Variants in ROS1 observed in about 807,000 individuals in gnomAD.
ROS1 encodes ROS proto-oncogene 1, receptor tyrosine kinase.
A neutral mutation model predicts 273.5 loss-of-function variants in ROS1; 263 were observed. The observed-to-expected ratio is 0.96, with a 90% CI of 0.87 to 1.06. ROS1 has a LOEUF of 1.06. ROS1 is among the 50% of genes least tolerant of loss of function. ROS1 has a pLI of 0.00. For synonymous variants in ROS1, 1,008 were observed against 954.1 expected (o/e 1.06, Z -1.04); for missense variants, 2,833 against 2,751.1 (o/e 1.03, Z -0.67).
At chr6:117,352,752 C>T (rs906982771) in intron 27 of ROS1, among the ~76,000 whole-genome samples, 5 of 152,114 alleles carry the variant, frequency 3.3e-5, no homozygotes, top group Admixed American at 6.5e-5. Context: ...AACAACAGGA[C>T]GCAGGTTTCC....
intron 20 of ROS1, 150 bp downstream of exon 20, chr6:117,365,431 C>A: frequency 1.3e-6 from 1 of 771,456 alleles, no homozygotes. Context: ...AACAAGTCTT[C>A]TGGGGAATAA....
Position 117,301,063 on chromosome 6 carries a change from A to G in ROS1, c.6626T>C (p.Leu2209Pro), listed in dbSNP as rs1383744493. Residue 2209 changes from leucine to proline, a missense_variant, in exon 43 of 44, where the codon CTT becomes CCT. Coordinates refer to ENST00000368507, the MANE Select transcript of ROS1 (RefSeq NM_001378902.1). ...RPTFHRIQDQ[L>P]QLFRNFFLNS... ...TAAGAAAAAATTTCTGAATAACTGA[A>G]GTTGGTCCTGAATTCTATGAAAAGT... The G allele has an allele frequency of 1.9e-6, 3 of 1,608,032 alleles. No individual in the cohort carries two copies. The highest frequency in any genetic ancestry group is 2.2e-5 in the South Asian group (2 of 89,200).
At chr6:117,406,733 G>A (rs1001014474) in intron 5 of ROS1, among the ~76,000 whole-genome samples, 1 of 152,160 alleles carries the variant, frequency 6.6e-6, no homozygotes, top group Non-Finnish European at 1.5e-5. Flanking sequence ...TAATAAGTAT[G>A]TGTTAATAGT....
chr6:117,380,571 C>T (rs1772044512), intron 17 of ROS1, among the ~76,000 whole-genome samples: 1 of 151,652 alleles, frequency 6.6e-6, no homozygotes, highest in South Asian at 2.1e-4. Flanking sequence ...ACTAGAGTTT[C>T]TACATTACAA....
intron 32 of ROS1, among the ~76,000 whole-genome samples, chr6:117,335,302 C>T (rs540321407): frequency 6.6e-5 from 10 of 152,226 alleles, no homozygotes; most frequent in Admixed American, 1.3e-4. Context: ...CCATCTCACG[C>T]GAGTCAGAAT....
chr6:117,332,737 G>A (rs151318180), intron 32 of ROS1, among the ~76,000 whole-genome samples: 14,414 of 152,194 alleles, frequency 0.095, 876 homozygotes, highest in Middle Eastern at 0.14. Flanking sequence ...ACTTGCTCCT[G>A]AATGGCTCCT....
chr6:117,309,927 G>A (rs954316416), intron 41 of ROS1, among the ~76,000 whole-genome samples, 154 bp downstream of exon 41: 1 of 152,004 alleles, frequency 6.6e-6, no homozygotes, highest in African/African-American at 2.4e-5. Context: ...GTACCACCTT[G>A]ACCACCAACT....
At chr6:117,300,800 A>G (rs1774657657) in intron 43 of ROS1, among the ~76,000 whole-genome samples, 174 bp downstream of exon 43, 1 of 152,236 alleles carries the variant, frequency 6.6e-6, no homozygotes, top group Non-Finnish European at 1.5e-5. Context: ...AATTTAGTGC[A>G]TAATACAAAT....
chr6:117,367,142 C>T (rs150312943), intron 18 of ROS1, among the ~76,000 whole-genome samples: 1 of 152,182 alleles, frequency 6.6e-6, no homozygotes, highest in Non-Finnish European at 1.5e-5. Flanking sequence ...CCAATCAATG[C>T]AATAAATTAG....
chr6:117,385,225 T>G (rs1772463749), intron 16 of ROS1, among the ~76,000 whole-genome samples: 1 of 152,310 alleles, frequency 6.6e-6, no homozygotes, highest in Non-Finnish European at 1.5e-5. Context: ...CAACAAATAG[T>G]GATAACAAAT....
At chr6:117,419,316 A>G (rs1369566943) in intron 1 of ROS1, among the ~76,000 whole-genome samples, 1 of 152,198 alleles carries the variant, frequency 6.6e-6, no homozygotes, top group Non-Finnish European at 1.5e-5. Flanking sequence ...CCATGTAAGG[A>G]TGCTCCAAAA....
At chr6:117,351,415 T>C (rs1191659271) in intron 27 of ROS1, among the ~76,000 whole-genome samples, 1 of 151,618 alleles carries the variant, frequency 6.6e-6, no homozygotes, top group Non-Finnish European at 1.5e-5. Context: ...TTTTTCCTTT[T>C]CCCTTCTCTC....
chr6:117,328,807 T>G (rs772001382), intron 33 of ROS1: 5 of 613,554 alleles, frequency 8.1e-6, no homozygotes, highest in Non-Finnish European at 1.3e-5. Context: ...CGGTGTGTTT[T>G]CAGTCCCTGG....
At chr6:117,424,066 C>G (rs924074745) in intron 1 of ROS1, among the ~76,000 whole-genome samples, 1 of 149,072 alleles carries the variant, frequency 6.7e-6, no homozygotes. Context: ...GGAGCCCACA[C>G]AAAAAGATAA....
intron 24 of ROS1, 38 bp downstream of exon 24, chr6:117,359,771 C>T (rs754989062): frequency 6.5e-7 from 1 of 1,543,808 alleles, no homozygotes; most frequent in Non-Finnish European, 8.9e-7. Flanking sequence ...GCAAATACTT[C>T]ACTTCCTTTA....
chr6:117,389,489 A>T lies in ROS1; in HGVS notation c.1647T>A (p.Phe549Leu), dbSNP rs1466151077. ...VGCDLSHIEE[F>L]GFGNLVIFGS... ...CAAAGATGACCAAGTTACCAAACCC[A>T]AATTCTTCTATGTGACTCAGGTCAC... Residue 549 changes from phenylalanine (F) to leucine (L), a missense_variant, in exon 13 of 44, where the codon TTT becomes TTA. By Grantham distance (22) the Phe-to-Leu change is conservative. Transcript: ENST00000368507. 1.2e-6 allele frequency: 2 copies of T among 1,614,216 alleles called. No individual in the cohort carries two copies. The highest frequency in any genetic ancestry group is 3.3e-5 in the Admixed American group (2 of 60,028).
At chr6:117,393,148 T>G in intron 12 of ROS1, 76 bp downstream of exon 12, 1 of 895,976 alleles carries the variant, frequency 1.1e-6, no homozygotes, top group South Asian at 1.4e-5. Flanking sequence ...CTACAATGTT[T>G]CATTAGCAAG....
At chr6:117,309,994 TA>T in intron 41 of ROS1, 86 bp downstream of exon 41, 1 of 1,223,396 alleles carries the variant, frequency 8.2e-7, no homozygotes, top group Non-Finnish European at 1.2e-6. Context: ...TTTCTCACAT[TA>T]AAAAAGCAAG....
rs182602071 is a variant in ROS1 at position 117,406,124 on chromosome 6, G to A, written c.317-1696C>T. Among the ~76,000 whole-genome samples the A allele has an allele frequency of 7.1e-4, 108 of 152,170 alleles. 1 individual carries two copies. Among genetic ancestry groups the A allele is most frequent in the Middle Eastern group, 3.4e-3 (1 of 294 alleles). ...TGTGCCCCTGTACTCCAGCCTGGGTGACAGAATGAGACTCTGTCTCTCTCT... is the reference window on the plus strand; with the variant it reads ...TGTGCCCCTGTACTCCAGCCTGGGTAACAGAATGAGACTCTGTCTCTCTCT... On this transcript the variant is annotated intron_variant, in intron 5 of 43. Coordinates refer to ENST00000368507, the MANE Select transcript of ROS1 (RefSeq NM_001378902.1).
Sources: allele counts gnomAD v4.1 joint callset (sites outside exome capture counted in the v4.1 genomes callset), GRCh38; gene constraint gnomAD v4.1.1; transcripts MANE v1.5; gene names NCBI Gene and HGNC (gene_info 2026-07-23, HGNC 2026-07-21).